Variants in NDST3 observed in about 807,000 individuals in gnomAD.
NDST3 encodes the protein bifunctional heparan sulfate N-deacetylase/N-sulfotransferase 3.
NDST3 carries 58 observed loss-of-function variants against 96.1 expected under a neutral mutation model. The ratio of observed to expected loss-of-function variants is 0.60; its 90% CI spans 0.49 to 0.75. NDST3 has a LOEUF of 0.75. Among genes scored for constraint, NDST3 ranks in the 30% least tolerant of loss-of-function variants. The probability of loss-of-function intolerance (pLI) is 0.00; values close to 1 mark genes in which losing one functional copy is unlikely to be tolerated. For missense variants in NDST3, 788 were observed against 1,034.2 expected (o/e 0.76, Z 3.27); for synonymous variants, 333 against 359.7 (o/e 0.93, Z 0.84).
intron 12 of NDST3, 38 bp downstream of exon 12, chr4:118,242,187 C>A (rs760355600): frequency 1.4e-6 from 2 of 1,384,286 alleles, no homozygotes; most frequent in Non-Finnish European, 2.0e-6. Context: ...GACATTTCAG[C>A]AGAGAATTGA....
chr4:118,204,031 T>C (rs1043187482), intron 6 of NDST3, among the ~76,000 whole-genome samples: 2 of 152,184 alleles, frequency 1.3e-5, no homozygotes, highest in African/African-American at 2.4e-5. Flanking sequence ...CAGTTAATTA[T>C]CAGATTCTGG....
chr4:118,164,824 A>G (rs1176986388), intron 6 of NDST3, among the ~76,000 whole-genome samples: 1 of 152,180 alleles, frequency 6.6e-6, no homozygotes, highest in Non-Finnish European at 1.5e-5. Flanking sequence ...TTTATATCCA[A>G]TTGAAGTTAA....
At chr4:118,210,220 A>G (rs1738694126) in intron 6 of NDST3, among the ~76,000 whole-genome samples, 1 of 151,984 alleles carries the variant, frequency 6.6e-6, no homozygotes, top group Non-Finnish European at 1.5e-5. Flanking sequence ...TGCTCAGCTG[A>G]GCTCTGGCTT....
chr4:118,103,186 A>G (rs186823590), intron 2 of NDST3, among the ~76,000 whole-genome samples: 2 of 152,284 alleles, frequency 1.3e-5, no homozygotes, highest in East Asian at 3.9e-4. Context: ...AGGCAAAAAG[A>G]AGGTTCATTT....
chr4:118,191,681 T>G (rs919615592), intron 6 of NDST3, among the ~76,000 whole-genome samples: 12 of 152,228 alleles, frequency 7.9e-5, no homozygotes, highest in Non-Finnish European at 1.6e-4. Flanking sequence ...AAATGGGAAT[T>G]GCATCCCCTC....
chr4:118,191,525 G>T (rs1021653255), intron 6 of NDST3, among the ~76,000 whole-genome samples: 3 of 152,100 alleles, frequency 2.0e-5, no homozygotes, highest in African/African-American at 7.2e-5. Flanking sequence ...CATTCTCTAG[G>T]CCTGGACTCA....
intron 4 of NDST3, among the ~76,000 whole-genome samples, chr4:118,136,703 C>T (rs762300908): frequency 1.3e-5 from 2 of 152,074 alleles, no homozygotes; most frequent in East Asian, 1.9e-4. Flanking sequence ...TAGTGGCTCC[C>T]GTTTTTGGCA....
At chr4:118,230,215 ATTC>A (rs1484045268) in intron 8 of NDST3, among the ~76,000 whole-genome samples, 5 of 152,292 alleles carry the variant, frequency 3.3e-5, no homozygotes, top group African/African-American at 9.6e-5. Context: ...CTTCATAGTT[ATTC>A]TAAGTCAGTG....
chr4:118,143,289 G>C lies in NDST3; in HGVS notation c.1411-267G>C, dbSNP rs115979881. On this transcript the variant is annotated intron_variant, in intron 5 of 13. Coordinates refer to ENST00000296499, the MANE Select transcript of NDST3 (RefSeq NM_004784.3). Reference sequence around the variant, plus strand: ...GAACCTACTAGGCTTCATAAAAGAAGTACTCACTTTGATATTTAAAACAGA... The same window carrying C: ...GAACCTACTAGGCTTCATAAAAGAACTACTCACTTTGATATTTAAAACAGA... 4.4e-3 allele frequency among the ~76,000 whole-genome samples: 676 copies of C among 151,964 alleles called. 4 individuals are homozygous for C. Among genetic ancestry groups the C allele is most frequent in the African/African-American group, 0.015 (631 of 41,432 alleles).
intron 6 of NDST3, among the ~76,000 whole-genome samples, chr4:118,163,120 T>C (rs1735292915): frequency 6.6e-6 from 1 of 152,236 alleles, no homozygotes; most frequent in South Asian, 2.1e-4. Flanking sequence ...GGAGAGGATG[T>C]GGAGAAATTG....
intron 7 of NDST3, among the ~76,000 whole-genome samples, chr4:118,225,912 G>C (rs1739845802): frequency 6.6e-6 from 1 of 151,846 alleles, no homozygotes; most frequent in African/African-American, 2.4e-5. Context: ...CCAATGGAAA[G>C]ACATGCAATT....
chr4:118,129,298 T>C (rs573833915), intron 4 of NDST3, among the ~76,000 whole-genome samples: 3 of 152,074 alleles, frequency 2.0e-5, no homozygotes, highest in African/African-American at 7.2e-5. Context: ...TTGAAGGTTT[T>C]TTCTTTTTTG....
chr4:118,145,861 C>A (rs780845811), intron 6 of NDST3, among the ~76,000 whole-genome samples: 1 of 152,120 alleles, frequency 6.6e-6, no homozygotes, highest in Non-Finnish European at 1.5e-5. Context: ...AGACAAGGAA[C>A]CCAAAGCTAA....
Position 118,233,213 on chromosome 4 carries a change from A to T in NDST3, c.1943+78A>T, listed in dbSNP as rs530419660. The T allele has an allele frequency of 3.7e-4, 448 of 1,219,928 alleles. 12 individuals carry two copies. In the South Asian group the frequency reaches 0.011, roughly 29 times the overall value. 75.6% of individuals were successfully genotyped at this position (1,219,928 alleles called of 1,614,324 possible). ...AAACTTAGCACTAATATTTAGAAAC[A>T]TCTAAGTTTGTAGTCACAAATAAAA... On this transcript the variant is annotated intron_variant, in intron 9 of 13. Transcript: ENST00000296499.
chr4:118,098,017 G>T (rs115873052), intron 2 of NDST3, among the ~76,000 whole-genome samples: 5,020 of 149,136 alleles, frequency 0.034, 135 homozygotes, highest in Non-Finnish European at 0.052. Flanking sequence ...TTTTTGGAAG[G>T]GGGTGGGTTG....
At chr4:118,165,278 T>C (rs773497955) in intron 6 of NDST3, among the ~76,000 whole-genome samples, 2 of 152,018 alleles carry the variant, frequency 1.3e-5, no homozygotes, top group African/African-American at 2.4e-5. Context: ...AAAGTAGCCA[T>C]ATTCATATCA....
At chr4:118,106,107 T>C (rs1730161275) in intron 3 of NDST3, among the ~76,000 whole-genome samples, 2 of 152,188 alleles carry the variant, frequency 1.3e-5, no homozygotes, top group Admixed American at 1.3e-4. Context: ...ATATCCTCTC[T>C]TGAGGAGTAT....
At chr4:118,057,006 T>G (rs571191269) in intron 2 of NDST3, among the ~76,000 whole-genome samples, 7 of 151,890 alleles carry the variant, frequency 4.6e-5, no homozygotes, top group Non-Finnish European at 1.0e-4. Flanking sequence ...ACTAGATTGA[T>G]GTGATGATTT....
chr4:118,231,349 AAAT>A (rs1277672129), intron 8 of NDST3, among the ~76,000 whole-genome samples: 3 of 148,192 alleles, frequency 2.0e-5, no homozygotes, highest in African/African-American at 7.3e-5. Flanking sequence ...AAAAATAAAT[AAAT>A]AATAATAATA....
Sources: allele counts gnomAD v4.1 joint callset (sites outside exome capture counted in the v4.1 genomes callset), GRCh38; gene constraint gnomAD v4.1.1; transcripts MANE v1.5; gene names NCBI Gene and HGNC (gene_info 2026-07-23, HGNC 2026-07-21).